Variants in AGBL4 observed in about 807,000 individuals in gnomAD.
AGBL4 encodes the protein cytosolic carboxypeptidase 6.
AGBL4 carries 58 observed loss-of-function variants against 66.4 expected under a neutral mutation model. That is an observed-to-expected ratio of 0.87 (90% confidence interval 0.71 to 1.09). AGBL4 has a LOEUF of 1.09. Ranked by LOEUF, AGBL4 falls within the 50% of genes least tolerant of loss-of-function variation. The pLI is 0.00. For synonymous variants in AGBL4, 234 were observed against 222.9 expected (o/e 1.05, Z -0.44); for missense variants, 579 against 631.0 (o/e 0.92, Z 0.88).
At chr1:48,956,387 A>C (rs1476857599) in intron 5 of AGBL4, among the ~76,000 whole-genome samples, 1 of 152,240 alleles carries the variant, frequency 6.6e-6, no homozygotes, top group Non-Finnish European at 1.5e-5. Flanking sequence ...TTTGCTTCAG[A>C]TAAGCACTAT....
chr1:48,699,295 G>A (rs892164765), intron 6 of AGBL4, among the ~76,000 whole-genome samples: 4 of 152,186 alleles, frequency 2.6e-5, no homozygotes, highest in Non-Finnish European at 5.9e-5. Context: ...CTGTAAAATA[G>A]GGACAATAAT....
intron 3 of AGBL4, among the ~76,000 whole-genome samples, chr1:49,424,218 A>G (rs1165306453): frequency 6.6e-6 from 1 of 152,220 alleles, no homozygotes; most frequent in Non-Finnish European, 1.5e-5. Context: ...ACAATATTAG[A>G]TAGAGTCTGT....
chr1:49,415,120 A>G (rs1645398589), intron 3 of AGBL4, among the ~76,000 whole-genome samples: 1 of 152,082 alleles, frequency 6.6e-6, no homozygotes, highest in African/African-American at 2.4e-5. Context: ...ACTCTTTCCT[A>G]CTTCTTCGCT....
At chr1:49,214,686 G>T (rs896795515) in intron 4 of AGBL4, among the ~76,000 whole-genome samples, 1 of 152,104 alleles carries the variant, frequency 6.6e-6, no homozygotes, top group Non-Finnish European at 1.5e-5. Flanking sequence ...ATCCAGACAC[G>T]TTGGAGACTA....
At chr1:48,665,100 A>G (rs1646165416) in intron 6 of AGBL4, among the ~76,000 whole-genome samples, 1 of 152,228 alleles carries the variant, frequency 6.6e-6, no homozygotes, top group Non-Finnish European at 1.5e-5. Context: ...TTGCTTGTCC[A>G]TTGGGATGAT....
chr1:49,482,128 T>C (rs578220736), intron 3 of AGBL4, among the ~76,000 whole-genome samples: 1 of 152,114 alleles, frequency 6.6e-6, no homozygotes, highest in South Asian at 2.1e-4. Flanking sequence ...ATCAGGATGA[T>C]GCTGGCCTCA....
At chr1:49,131,359 C>A (rs1033683594) in intron 4 of AGBL4, among the ~76,000 whole-genome samples, 1 of 151,934 alleles carries the variant, frequency 6.6e-6, no homozygotes, top group Non-Finnish European at 1.5e-5. Context: ...TTGATCACTA[C>A]CCTTAAAAGG....
At position 49,092,485 on chromosome 1, in the gene AGBL4, T is replaced by C. The variant is rs1645020337; in HGVS notation, c.378-46685A>G. ...ACCTCAACAAACTTGCTTCTACCTT[T>C]TCAATTTATTCCTTGAGGCTCATTT... On this transcript the variant is annotated intron_variant, in intron 4 of 13. Transcript: ENST00000371839. 2.0e-5 allele frequency among the ~76,000 whole-genome samples: 3 copies of C among 152,140 alleles called. No individual in the cohort carries two copies. The South Asian group carries it at 6.2e-4, about 31-fold the overall frequency.
chr1:49,192,094 T>G (rs1422045262), intron 4 of AGBL4, among the ~76,000 whole-genome samples: 1 of 152,148 alleles, frequency 6.6e-6, no homozygotes, highest in Non-Finnish European at 1.5e-5. Context: ...ACTATTCTCT[T>G]TTCTCTGCAA....
At chr1:48,981,607 A>G (rs1455994559) in intron 5 of AGBL4, among the ~76,000 whole-genome samples, 1 of 152,208 alleles carries the variant, frequency 6.6e-6, no homozygotes, top group Non-Finnish European at 1.5e-5. Flanking sequence ...GTGTGTGGCC[A>G]GGTGCAGTGG....
chr1:49,466,824 G>A (rs531951932), intron 3 of AGBL4, among the ~76,000 whole-genome samples: 1 of 151,838 alleles, frequency 6.6e-6, no homozygotes, highest in Non-Finnish European at 1.5e-5. Flanking sequence ...ATATATCACT[G>A]GAGCAGATTC....
At chr1:49,195,674 C>G (rs927139726) in intron 4 of AGBL4, among the ~76,000 whole-genome samples, 3 of 152,080 alleles carry the variant, frequency 2.0e-5, no homozygotes, top group Non-Finnish European at 4.4e-5. Flanking sequence ...GATCTTGGAC[C>G]TCTTGTATCT....
rs369141406 is a variant in AGBL4, at chr1:49,790,287, C to T, written c.157+61109G>A. On this transcript the variant is annotated intron_variant, in intron 2 of 13. Coordinates refer to ENST00000371839, the MANE Select transcript of AGBL4 (RefSeq NM_032785.4). The stretch of plus-strand genomic sequence containing the variant: ...GCTGAGGCAGAAGAATCGCTTGAAC[C>T]CAGGAGGTGGAGGTTGCAGTGAGCT... 3.2e-4 allele frequency among the ~76,000 whole-genome samples: 49 copies of T among 151,316 alleles called. 1 individual carries two copies. The South Asian group carries it at 9.4e-3, about 29-fold the overall frequency.
intron 3 of AGBL4, among the ~76,000 whole-genome samples, chr1:49,625,123 TC>T (rs1470791072): frequency 1.3e-5 from 2 of 152,148 alleles, no homozygotes; most frequent in Non-Finnish European, 2.9e-5. Context: ...TCTTTCCACT[TC>T]CCCAGTTGTT....
intron 4 of AGBL4, among the ~76,000 whole-genome samples, chr1:49,173,970 C>T (rs1646785490): frequency 6.6e-6 from 1 of 151,976 alleles, no homozygotes; most frequent in Non-Finnish European, 1.5e-5. Flanking sequence ...TATGATTTGT[C>T]AACATTGGAA....
chr1:49,130,085 T>A (rs1645857913), intron 4 of AGBL4, among the ~76,000 whole-genome samples: 2 of 152,222 alleles, frequency 1.3e-5, no homozygotes, highest in Admixed American at 1.3e-4. Context: ...CATTTTTTCA[T>A]GTGTCTGTTG....
intron 3 of AGBL4, among the ~76,000 whole-genome samples, chr1:49,248,963 C>T (rs1425480173): frequency 2.0e-5 from 3 of 152,100 alleles, no homozygotes; most frequent in East Asian, 3.9e-4. Flanking sequence ...GTAGGTATAA[C>T]CTTCAAGGCA....
intron 6 of AGBL4, among the ~76,000 whole-genome samples, chr1:48,728,442 A>G (rs946321936): frequency 4.0e-5 from 6 of 148,902 alleles, no homozygotes; most frequent in African/African-American, 1.5e-4. Flanking sequence ...TTCCATTTTC[A>G]ATCTTTTTAT....
intron 4 of AGBL4, among the ~76,000 whole-genome samples, chr1:49,221,574 G>C (rs1339830543): frequency 1.3e-5 from 2 of 152,154 alleles, no homozygotes; most frequent in East Asian, 3.9e-4. Context: ...ATATTCCCTT[G>C]CATCGCATTT....
Sources: gnomAD v4.1 joint callset for allele counts (sites outside exome capture counted in the v4.1 genomes callset) on GRCh38, gnomAD v4.1.1 for gene constraint, MANE v1.5 for transcripts, NCBI Gene and HGNC (gene_info 2026-07-23, HGNC 2026-07-21) for gene names.